Variants in BNC2 observed in about 807,000 individuals in gnomAD.
The protein encoded by BNC2 is zinc finger protein basonuclin-2.
BNC2 carries 20 observed loss-of-function variants against 76.3 expected under a neutral mutation model. That is an observed-to-expected ratio of 0.26 (90% CI 0.18 to 0.38). The LOEUF is 0.38. Ranked by LOEUF, BNC2 falls within the 10% of genes least tolerant of loss-of-function variation. The probability of loss-of-function intolerance (pLI) is 1.00; values close to 1 mark genes in which losing one functional copy is unlikely to be tolerated. For missense variants in BNC2, 1,382 were observed against 1,399.8 expected, an observed-to-expected ratio of 0.99 and a Z score of 0.20; for synonymous variants, 582 against 514.8, an observed-to-expected ratio of 1.13 and a Z score of -1.77.
chr9:16,681,998 T>C (rs1033221848), intron 3 of BNC2, among the ~76,000 whole-genome samples: 1 of 151,982 alleles, frequency 6.6e-6, no homozygotes, highest in Admixed American at 6.6e-5. Flanking sequence ...GCAACACCAC[T>C]TTGTTTAGCA....
chr9:16,643,587 A>T (rs1460648986), intron 3 of BNC2, among the ~76,000 whole-genome samples: 1 of 152,134 alleles, frequency 6.6e-6, no homozygotes, highest in East Asian at 1.9e-4. Flanking sequence ...GCTGCACCAT[A>T]TATGATCTTA....
chr9:16,822,297 T>C (rs1219063487), intron 1 of BNC2, among the ~76,000 whole-genome samples: 1 of 152,100 alleles, frequency 6.6e-6, no homozygotes, highest in East Asian at 1.9e-4. Context: ...TTTTCTAACA[T>C]TACCTCCTAT....
chr9:16,415,718 G>C lies in BNC2; in HGVS notation c.*3271C>G, dbSNP rs1480782541. ...ACACTCAAGAACGAGCAATACTTTG[G>C]AAACAGAAGAATTGTACATTTTATG... is the stretch of plus-strand genomic sequence containing the variant. On this transcript the variant is annotated 3_prime_UTR_variant, in exon 7 of 7. Coordinates refer to ENST00000380672, the MANE Select transcript of BNC2 (RefSeq NM_017637.6). The C allele has an allele frequency of 2.0e-5, 3 of 152,140 alleles. No individual in the cohort carries two copies. Among genetic ancestry groups the C allele is most frequent in the Non-Finnish European group, 4.4e-5 (3 of 68,028 alleles). The allele number at this position is 152,140 out of a possible 1,614,324, so 9.4% of individuals were successfully genotyped here.
intron 4 of BNC2, among the ~76,000 whole-genome samples, chr9:16,578,308 T>A (rs1819542387): frequency 6.6e-6 from 1 of 152,216 alleles, no homozygotes; most frequent in Non-Finnish European, 1.5e-5. Context: ...ACCTTCATCT[T>A]AATGGTTTAG....
intron 5 of BNC2, among the ~76,000 whole-genome samples, chr9:16,478,560 A>G (rs1168204763): frequency 6.6e-6 from 1 of 152,250 alleles, no homozygotes; most frequent in Non-Finnish European, 1.5e-5. Flanking sequence ...GATGTAATCT[A>G]TAACCTAATT....
At chr9:16,735,934 C>G (rs1232532144) in intron 2 of BNC2, among the ~76,000 whole-genome samples, 1 of 151,606 alleles carries the variant, frequency 6.6e-6, no homozygotes, top group Non-Finnish European at 1.5e-5. Context: ...CACCAACATC[C>G]AAGAAAATCA....
intron 1 of BNC2, among the ~76,000 whole-genome samples, chr9:16,742,599 T>C (rs1281195671): frequency 6.6e-6 from 1 of 152,178 alleles, no homozygotes; most frequent in African/African-American, 2.4e-5. Flanking sequence ...TGAAGACCAC[T>C]GTCTAAGTGA....
At chr9:16,629,371 T>C (rs1233753572) in intron 3 of BNC2, among the ~76,000 whole-genome samples, 1 of 152,224 alleles carries the variant, frequency 6.6e-6, no homozygotes, top group South Asian at 2.1e-4. Flanking sequence ...TTCAGAAGAT[T>C]CACTACATTA....
intron 3 of BNC2, among the ~76,000 whole-genome samples, chr9:16,625,492 T>A (rs1466684655): frequency 6.6e-6 from 1 of 151,944 alleles, no homozygotes; most frequent in Non-Finnish European, 1.5e-5. Context: ...TCCCCTGAGA[T>A]AAAGGAAAAG....
At chr9:16,676,910 G>C (rs1163596497) in intron 3 of BNC2, among the ~76,000 whole-genome samples, 1 of 152,060 alleles carries the variant, frequency 6.6e-6, no homozygotes, top group Non-Finnish European at 1.5e-5. Context: ...TATTTGTTTT[G>C]AGAAACAGAT....
chr9:16,650,530 G>A (rs1263007581), intron 3 of BNC2, among the ~76,000 whole-genome samples: 1 of 151,972 alleles, frequency 6.6e-6, no homozygotes, highest in Non-Finnish European at 1.5e-5. Flanking sequence ...TTTCACAGTA[G>A]AAAAGATTAT....
chr9:16,464,664 C>T (rs1240776900), intron 5 of BNC2, among the ~76,000 whole-genome samples: 2 of 152,130 alleles, frequency 1.3e-5, no homozygotes, highest in Non-Finnish European at 2.9e-5. Flanking sequence ...TCAAGCAATT[C>T]TCATGCCTCA....
At chr9:16,801,742 A>C (rs2135755989) in intron 1 of BNC2, among the ~76,000 whole-genome samples, 1 of 72,254 alleles carries the variant, frequency 1.4e-5, no homozygotes, top group East Asian at 3.2e-4. Context: ...AAAAAAAAAA[A>C]AACACACACA....
Position 16,604,882 on chromosome 9 carries a change from G to C in BNC2, c.331-21797C>G, listed in dbSNP as rs111434912. ...GAATTTTACTTCAATAAAGAAACCAGACCTTGTAAAACAAGACAAAAATAC... is the reference window on the plus strand; with the variant it reads ...GAATTTTACTTCAATAAAGAAACCACACCTTGTAAAACAAGACAAAAATAC... On this transcript the variant is annotated intron_variant, in intron 3 of 6. Coordinates refer to ENST00000380672, the MANE Select transcript of BNC2 (RefSeq NM_017637.6). 3.8e-3 allele frequency among the ~76,000 whole-genome samples: 578 copies of C among 152,272 alleles called. 4 individuals are homozygous for C. Among genetic ancestry groups the C allele is most frequent in the African/African-American group, 0.013 (534 of 41,552 alleles).
intron 3 of BNC2, among the ~76,000 whole-genome samples, chr9:16,585,359 T>C (rs1233178159): frequency 6.6e-6 from 1 of 152,184 alleles, no homozygotes; most frequent in Non-Finnish European, 1.5e-5. Context: ...TATTCCTTTT[T>C]ATGAATTCTA....
At chr9:16,769,238 AG>A (rs1234482948) in intron 1 of BNC2, among the ~76,000 whole-genome samples, 6 of 152,188 alleles carry the variant, frequency 3.9e-5, no homozygotes, top group Admixed American at 3.9e-4. Context: ...CCATGCCTAC[AG>A]GTCTGCAGGC....
intron 5 of BNC2, among the ~76,000 whole-genome samples, chr9:16,459,876 T>C (rs1821537213): frequency 1.3e-5 from 2 of 152,332 alleles, no homozygotes; most frequent in East Asian, 1.9e-4. Flanking sequence ...AGACTTCCTA[T>C]GGCCACAGCT....
intron 1 of BNC2, among the ~76,000 whole-genome samples, chr9:16,843,979 T>A (rs1818899274): frequency 6.6e-6 from 1 of 152,134 alleles, no homozygotes; most frequent in Non-Finnish European, 1.5e-5. Flanking sequence ...GTTGTTGTTG[T>A]TGTTCATTTA....
At chr9:16,632,428 GAAA>G (rs35423419) in intron 3 of BNC2, among the ~76,000 whole-genome samples, 3 of 148,432 alleles carry the variant, frequency 2.0e-5, no homozygotes, top group African/African-American at 7.4e-5. Flanking sequence ...ACTAAAACGG[GAAA>G]AAAAAAAAAT....
Sources: gnomAD v4.1 joint callset for allele counts (sites outside exome capture counted in the v4.1 genomes callset) on GRCh38, gnomAD v4.1.1 for gene constraint, MANE v1.5 for transcripts, NCBI Gene and HGNC (gene_info 2026-07-23, HGNC 2026-07-21) for gene names.